The following KCNJ5 variants were observed in gnomAD, a reference collection of about 807,000 sequenced individuals.
The protein encoded by KCNJ5 is G protein-activated inward rectifier potassium channel 4.
KCNJ5 carries 12 observed loss-of-function variants against 20.2 expected under a neutral mutation model. That is an observed-to-expected ratio of 0.59 (90% CI 0.38 to 0.96). The LOEUF is 0.96. KCNJ5 is among the 40% of genes least tolerant of loss of function. The pLI is 0.00. For synonymous variants in KCNJ5, 210 were observed against 213.9 expected (o/e 0.98, Z 0.16); for missense variants, 449 against 557.6 (o/e 0.81, Z 1.96).
At position 128,891,445 on chromosome 11, in the gene KCNJ5, G is replaced by T. The variant is rs868130049; in HGVS notation, c.-287G>T. ...ACACACACACACACACACACACAGA[G>T]AGAGAGAGAGAGAGAGAGAGAGAGA... On this transcript the variant is annotated 5_prime_UTR_variant, in exon 1 of 3. Transcript: ENST00000529694. 7.4e-6 allele frequency: 1 copy of T among 135,180 alleles called. No individual in the cohort carries two copies. The highest frequency in any genetic ancestry group is 1.6e-5 in the Non-Finnish European group (1 of 63,914). 8.4% of individuals were successfully genotyped at this position (135,180 alleles called of 1,614,324 possible).
chr11:128,916,385 TG>T, intron 2 of KCNJ5, 23 bp from the exon 3 acceptor site: 1 of 1,557,838 alleles, frequency 6.4e-7, no homozygotes, highest in South Asian at 1.1e-5. Flanking sequence ...TGCATCATAA[TG>T]CATGTAACTT....
chr11:128,909,925 T>C (rs1222012125), intron 1 of KCNJ5: 1 of 152,266 alleles, frequency 6.6e-6, no homozygotes, highest in Non-Finnish European at 1.5e-5. Flanking sequence ...CATCAGTGTC[T>C]GCTGGCCGTT....
Position 128,893,635 on chromosome 11 carries a change from T to A in KCNJ5, c.-11+1914T>A, listed in dbSNP as rs367596646. ...TGCCGGCATTACTCACAGGCAGCAT[T>A]TTTTAAGTAGCCTGCCTGTGCTCTA... On this transcript the variant is annotated intron_variant, in intron 1 of 2. Transcript: ENST00000529694. Among the ~76,000 whole-genome samples the A allele has an allele frequency of 3.1e-4, 47 of 152,224 alleles. No homozygotes were observed. The East Asian group carries it at 7.4e-3, about 24-fold the overall frequency.
At chr11:128,916,332 TGATGGATGAATGGATGAATG>T in intron 2 of KCNJ5, 57 bp from the exon 3 acceptor site, 1 of 1,084,722 alleles carries the variant, frequency 9.2e-7, no homozygotes, top group Non-Finnish European at 1.4e-6. Context: ...ATGGATGGAT[TGATGGATGAATGGATGAATG>T]GATGGATAGA....
intron 1 of KCNJ5, among the ~76,000 whole-genome samples, chr11:128,909,217 C>T (rs1250892374): frequency 1.3e-5 from 2 of 152,188 alleles, no homozygotes; most frequent in Non-Finnish European, 1.5e-5. Flanking sequence ...CCTTGGTTTG[C>T]CATTAGGCAG....
intron 1 of KCNJ5, 56 bp downstream of exon 1, chr11:128,891,777 G>A (rs1265039958): frequency 1.3e-5 from 2 of 152,320 alleles, no homozygotes; most frequent in Admixed American, 6.5e-5. Context: ...GTTCTGGAGG[G>A]CAGGATGACA....
intron 1 of KCNJ5, chr11:128,903,650 A>T: frequency 4.4e-6 from 4 of 907,806 alleles, no homozygotes; most frequent in Non-Finnish European, 6.8e-6. Flanking sequence ...TGATGATGCC[A>T]GAATGACAGG....
At chr11:128,903,688 T>C (rs1175324348) in intron 1 of KCNJ5, among the ~76,000 whole-genome samples, 1 of 152,198 alleles carries the variant, frequency 6.6e-6, no homozygotes, top group East Asian at 1.9e-4. Flanking sequence ...GGACATCTTA[T>C]TTCCTGGGAG....
At chr11:128,901,351 C>G (rs1197742084) in intron 1 of KCNJ5, 1 of 152,258 alleles carries the variant, frequency 6.6e-6, no homozygotes, top group African/African-American at 2.4e-5. Context: ...AGTGTGTTAA[C>G]ACGTGTAAGG....
Position 128,917,781 on chromosome 11 carries a change from C to A in KCNJ5, c.*1050C>A. 1 of 152,542 alleles carries A rather than the reference C, an allele frequency of 6.6e-6. No individual in the cohort carries two copies. The highest frequency in any genetic ancestry group is 1.5e-5 in the Non-Finnish European group (1 of 68,288). 9.4% of individuals were successfully genotyped at this position (152,542 alleles called of 1,614,324 possible). A position where few individuals can be genotyped will look rare whatever the true frequency, so the allele number is the denominator to read the frequency against. ...TTTAAAAATCAGCATCTGGGCCAGGCAAGATGGCTCACGCCTGTGATCCCA... is the reference window on the plus strand; with the variant it reads ...TTTAAAAATCAGCATCTGGGCCAGGAAAGATGGCTCACGCCTGTGATCCCA... On this transcript the variant is annotated 3_prime_UTR_variant, in exon 3 of 3. Coordinates refer to ENST00000529694, the MANE Select transcript of KCNJ5 (RefSeq NM_000890.5).
At chr11:128,892,393 T>A (rs1944108351) in intron 1 of KCNJ5, among the ~76,000 whole-genome samples, 1 of 152,176 alleles carries the variant, frequency 6.6e-6, no homozygotes, top group African/African-American at 2.4e-5. Context: ...CCCCTGGTTT[T>A]ATCTGTGCCT....
chr11:128,910,838 T>C (rs1451010863), intron 1 of KCNJ5, among the ~76,000 whole-genome samples: 2 of 152,220 alleles, frequency 1.3e-5, no homozygotes, highest in Non-Finnish European at 2.9e-5. Context: ...ATAGTATTTA[T>C]ATAGTGGGGA....
chr11:128,906,165 G>A (rs1041193932), intron 1 of KCNJ5: 3 of 151,536 alleles, frequency 2.0e-5, no homozygotes, highest in Non-Finnish European at 4.4e-5. Context: ...TTTCATCTTC[G>A]CAGCAGCTCT....
chr11:128,894,928 T>C (rs1405388717), intron 1 of KCNJ5, among the ~76,000 whole-genome samples: 1 of 152,244 alleles, frequency 6.6e-6, no homozygotes, highest in Non-Finnish European at 1.5e-5. Context: ...CTGGAGATCC[T>C]GGCTAGTGCT....
rs553543839 is a variant in KCNJ5, at chr11:128,904,746, T to C, written c.-10-6518T>C. The stretch of plus-strand genomic sequence containing the variant: ...ATTCAAACACCCAGTGGGTGTTGAG[T>C]GGGGGTTCGCTGACTAATTGACTGA... On this transcript the variant is annotated intron_variant, in intron 1 of 2. Coordinates refer to ENST00000529694, the MANE Select transcript of KCNJ5 (RefSeq NM_000890.5). The C allele has an allele frequency of 1.1e-5, 6 of 556,760 alleles. No individual in the cohort carries two copies. The East Asian group carries it at 1.7e-4, about 16-fold the overall frequency. 34.5% of individuals were successfully genotyped at this position (556,760 alleles called of 1,614,324 possible).
In KCNJ5 at chr11:128,891,437, C is replaced by CAGAGAGAGAGAGAGAGAGAGAGAG. The variant is rs886047996; in HGVS notation, c.-294_-293insGAGAGAGAGAGAGAGAGAGAGAGA. ...ACACACACACACACACACACACACACACACAGAGAGAGAGAGAGAGAGAGA... is the reference window on the plus strand; with the variant it reads ...ACACACACACACACACACACACACACAGAGAGAGAGAGAGAGAGAGAGAGACACAGAGAGAGAGAGAGAGAGAGA... On this transcript the variant is annotated 5_prime_UTR_variant, in exon 1 of 3. Coordinates refer to ENST00000529694, the MANE Select transcript of KCNJ5 (RefSeq NM_000890.5). The CAGAGAGAGAGAGAGAGAGAGAGAG allele has an allele frequency of 4.0e-5, 3 of 74,416 alleles. No individual in the cohort carries two copies. Among genetic ancestry groups the CAGAGAGAGAGAGAGAGAGAGAGAG allele is most frequent in the South Asian group, 6.3e-4 (1 of 1,594 alleles). 4.6% of individuals were successfully genotyped at this position (74,416 alleles called of 1,614,324 possible).
intron 2 of KCNJ5, among the ~76,000 whole-genome samples, chr11:128,913,122 C>T (rs1345036477): frequency 6.6e-6 from 1 of 152,302 alleles, no homozygotes; most frequent in Non-Finnish European, 1.5e-5. Context: ...TGCAGAATTT[C>T]CTAAACTCAA....
In KCNJ5 at chr11:128,916,460, G is replaced by T; in HGVS notation, c.989G>T (p.Gly330Val). 1 of 1,614,202 alleles carries T rather than the reference G, an allele frequency of 6.2e-7. No homozygotes were observed. The highest frequency in any genetic ancestry group is 8.5e-7 in the Non-Finnish European group (1 of 1,180,036). The change falls in exon 3 of 3, where the codon GGC (glycine) becomes GTC (valine). Residue 330 changes from glycine (G) to valine (V), a missense_variant. Physicochemically the swap from Gly to Val is moderately radical, Grantham distance 109. Transcript: ENST00000529694. ...TACATGGATACAGAGGTGCTCTGGG[G>T]CCACCGATTCACACCAGTCCTCACC... ...SSYMDTEVLW[G>V]HRFTPVLTLE...
intron 1 of KCNJ5, among the ~76,000 whole-genome samples, chr11:128,907,460 A>G (rs1944437214): frequency 6.6e-6 from 1 of 152,236 alleles, no homozygotes; most frequent in African/African-American, 2.4e-5. Context: ...TCACTAACGC[A>G]TCATCTGAAA....
Sources: gnomAD v4.1 joint callset for allele counts (sites outside exome capture counted in the v4.1 genomes callset) on GRCh38, gnomAD v4.1.1 for gene constraint, MANE v1.5 for transcripts, NCBI Gene and HGNC (gene_info 2026-07-23, HGNC 2026-07-21) for gene names.